The following ABCC11 variants were observed in gnomAD, a reference collection of about 807,000 sequenced individuals.
The protein encoded by ABCC11 is ATP-binding cassette sub-family C member 11.
A neutral mutation model predicts 149.3 loss-of-function variants in ABCC11; 135 were observed. That is an observed-to-expected ratio of 0.90 (90% confidence interval 0.79 to 1.04). The LOEUF (loss-of-function observed/expected upper bound fraction) is 1.04. Ranked by LOEUF, ABCC11 falls within the 50% of genes least tolerant of loss-of-function variation. The probability of loss-of-function intolerance (pLI) is 0.00; values close to 1 mark genes in which losing one functional copy is unlikely to be tolerated. For synonymous variants in ABCC11, 665 were observed against 671.4 expected (o/e 0.99, Z 0.15); for missense variants, 1,680 against 1,722.1 (o/e 0.98, Z 0.43).
At chr16:48,176,471 G>A (rs566488542) in intron 25 of ABCC11, among the ~76,000 whole-genome samples, 3 of 152,174 alleles carry the variant, frequency 2.0e-5, no homozygotes, top group Admixed American at 2.0e-4. Context: ...GTCCAGGAAG[G>A]GGGTGGGGAG....
chr16:48,229,763 C>T (rs944933251), intron 3 of ABCC11, among the ~76,000 whole-genome samples: 7 of 152,158 alleles, frequency 4.6e-5, no homozygotes, highest in East Asian at 1.9e-4. Context: ...CGCGCCCGGC[C>T]GGCTGGTAAC....
chr16:48,206,630 A>G (rs1396754630), intron 12 of ABCC11, among the ~76,000 whole-genome samples: 1 of 152,250 alleles, frequency 6.6e-6, no homozygotes, highest in Non-Finnish European at 1.5e-5. Context: ...TATTAGAAGG[A>G]AAGTGACAGG....
At position 48,193,939 on chromosome 16, in the gene ABCC11, G is replaced by C; in HGVS notation, c.2448C>G (p.Ile816Met). The change falls in exon 19 of 30, where the codon ATC becomes ATG. Residue 816 changes from isoleucine to methionine, a missense_variant. Coordinates refer to ENST00000356608, the MANE Select transcript of ABCC11 (RefSeq NM_001370497.1). ...AGAAGCTGAAGATCGTTAAGAAGACGATCAGCACCACGAAGAAGAAAATTA... is the reference window on the plus strand; with the variant it reads ...AGAAGCTGAAGATCGTTAAGAAGACCATCAGCACCACGAAGAAGAAAATTA... The part of the protein sequence containing the change: ...SCIIFFFVVL[I>M]VFLTIFSFWW... 1 of 1,613,984 alleles carries C rather than the reference G, an allele frequency of 6.2e-7. No homozygotes were observed. The highest frequency in any genetic ancestry group is 1.7e-5 in the Admixed American group (1 of 60,026).
chr16:48,213,898 A>G lies in ABCC11; in HGVS notation c.1249-348T>C, dbSNP rs1969121856. On this transcript the variant is annotated intron_variant, in intron 9 of 29. Transcript: ENST00000356608. Reference sequence around the variant, plus strand: ...AAAAACAAGAAAATTCATGTGAGTGAGCATTGCTTCCTTTCAATGTAGCTT... The same window carrying G: ...AAAAACAAGAAAATTCATGTGAGTGGGCATTGCTTCCTTTCAATGTAGCTT... 2.0e-5 allele frequency among the ~76,000 whole-genome samples: 3 copies of G among 152,204 alleles called. No homozygotes were observed. The South Asian group carries it at 6.2e-4, about 32-fold the overall frequency.
At chr16:48,179,147 G>T (rs555777117) in intron 23 of ABCC11, among the ~76,000 whole-genome samples, 1 of 152,220 alleles carries the variant, frequency 6.6e-6, no homozygotes, top group African/African-American at 2.4e-5. Flanking sequence ...TCCCAGGACA[G>T]TTGAGCCCTA....
chr16:48,210,103 C>T (rs1403982368), intron 11 of ABCC11: 1 of 152,138 alleles, frequency 6.6e-6, no homozygotes, highest in African/African-American at 2.4e-5. Context: ...TCCAGGTCCT[C>T]AACCACTGGA....
intron 23 of ABCC11, among the ~76,000 whole-genome samples, chr16:48,182,189 C>T (rs899169616): frequency 3.9e-5 from 6 of 152,250 alleles, no homozygotes; most frequent in African/African-American, 1.4e-4. Context: ...CACATACATG[C>T]ACTCCAGCAC....
At chr16:48,218,041 G>A (rs193257563) in intron 6 of ABCC11, among the ~76,000 whole-genome samples, 12 of 152,170 alleles carry the variant, frequency 7.9e-5, no homozygotes, top group African/African-American at 1.7e-4. Flanking sequence ...TCACATCTAC[G>A]ATCCCAACAC....
chr16:48,219,933 G>T lies in ABCC11; in HGVS notation c.777+2665C>A, dbSNP rs968363225. On this transcript the variant is annotated intron_variant, in intron 6 of 29. Coordinates refer to ENST00000356608, the MANE Select transcript of ABCC11 (RefSeq NM_001370497.1). Reference sequence around the variant, plus strand: ...AAGGCAGATGTTGCAGTGAGCCAAGGTTGCACTATTGCATTCCAGCCTGGG... The same window carrying T: ...AAGGCAGATGTTGCAGTGAGCCAAGTTTGCACTATTGCATTCCAGCCTGGG... Among the ~76,000 whole-genome samples, 6 of 152,132 alleles carry T rather than the reference G, an allele frequency of 3.9e-5. No individual in the cohort carries two copies. In the South Asian group the frequency reaches 1.2e-3, roughly 32 times the overall value.
intron 15 of ABCC11, 128 bp downstream of exon 15, chr16:48,200,148 T>C (rs565024645): frequency 5.4e-6 from 5 of 932,206 alleles, no homozygotes; most frequent in Non-Finnish European, 7.9e-6. Context: ...TCCCCAAATG[T>C]GGAGGAGTCT....
At chr16:48,173,113 G>T (rs1415667300) in intron 26 of ABCC11, among the ~76,000 whole-genome samples, 1 of 152,194 alleles carries the variant, frequency 6.6e-6, no homozygotes, top group African/African-American at 2.4e-5. Flanking sequence ...CATGAGATGG[G>T]TATACTCCTT....
intron 11 of ABCC11, 117 bp from the exon 12 acceptor site, chr16:48,208,613 C>A: frequency 9.0e-7 from 1 of 1,108,208 alleles, no homozygotes; most frequent in Non-Finnish European, 1.3e-6. Flanking sequence ...AAAATAACCA[C>A]ACAGAGCCCA....
chr16:48,228,050 G>T, intron 3 of ABCC11, 86 bp from the exon 4 acceptor site: 22 of 946,070 alleles, frequency 2.3e-5, no homozygotes, highest in African/African-American at 1.0e-4. Flanking sequence ...ACACAACGAG[G>T]TTACCCAGAT....
At chr16:48,213,377 T>C in intron 10 of ABCC11, 66 bp downstream of exon 10, 1 of 1,423,734 alleles carries the variant, frequency 7.0e-7, no homozygotes, top group Admixed American at 1.9e-5. Context: ...TGGAGGAACA[T>C]CATGGGGGCT....
intron 6 of ABCC11, among the ~76,000 whole-genome samples, chr16:48,218,493 G>A (rs780661280): frequency 7.2e-5 from 11 of 152,176 alleles, no homozygotes; most frequent in South Asian, 2.1e-4. Context: ...ATTTGAGAAC[G>A]GTGCTAGATA....
intron 4 of ABCC11, 125 bp downstream of exon 4, chr16:48,227,680 CT>C: frequency 7.7e-7 from 1 of 1,296,028 alleles, no homozygotes; most frequent in Non-Finnish European, 1.1e-6. Context: ...TATGAGGCCT[CT>C]TCCTACAGGA....
intron 3 of ABCC11, among the ~76,000 whole-genome samples, chr16:48,228,642 G>A (rs1298265749): frequency 6.6e-6 from 1 of 152,038 alleles, no homozygotes; most frequent in Non-Finnish European, 1.5e-5. Context: ...TATAAAAAAG[G>A]AAGAAAGGAG....
At chr16:48,226,575 C>G (rs992743819) in intron 4 of ABCC11, among the ~76,000 whole-genome samples, 1 of 152,146 alleles carries the variant, frequency 6.6e-6, no homozygotes, top group African/African-American at 2.4e-5. Context: ...CTGCACCCGG[C>G]CAATCCATTA....
chr16:48,206,070 A>G (rs146993062), intron 12 of ABCC11, among the ~76,000 whole-genome samples: 2,724 of 152,260 alleles, frequency 0.018, 101 homozygotes, highest in African/African-American at 0.063. Flanking sequence ...TCGGCCTCCC[A>G]AAGTGCTGGG....
Sources: allele counts gnomAD v4.1 joint callset (sites outside exome capture counted in the v4.1 genomes callset), GRCh38; gene constraint gnomAD v4.1.1; transcripts MANE v1.5; gene names NCBI Gene and HGNC (gene_info 2026-07-23, HGNC 2026-07-21).